TBCB: variants seen among roughly 807,000 people sequenced by gnomAD.
The protein encoded by TBCB is tubulin folding cofactor B, also known as tubulin-folding cofactor B.
Under a neutral mutation model 29.2 loss-of-function variants are expected in TBCB, and 18 were observed. That is an observed-to-expected ratio of 0.62 (90% CI 0.43 to 0.91). The LOEUF is 0.91. TBCB is among the 40% of genes least tolerant of loss of function. The pLI is 0.00. For synonymous variants in TBCB, 172 were observed against 137.8 expected (o/e 1.25, Z -1.74); for missense variants, 336 against 337.6 (o/e 1.00, Z 0.04).
intron 3 of TBCB, 114 bp from the exon 4 acceptor site, chr19:36,121,413 C>G (rs925540602): frequency 1.5e-5 from 19 of 1,310,002 alleles, no homozygotes; most frequent in Non-Finnish European, 1.8e-5. Context: ...GGTGACAGCC[C>G]TTTGTCACCT....
At chr19:36,124,076 T>C (rs1364621851) in intron 4 of TBCB, among the ~76,000 whole-genome samples, 6 of 152,146 alleles carry the variant, frequency 3.9e-5, no homozygotes, top group African/African-American at 9.7e-5. Context: ...ACCAGCACTT[T>C]AGTCTGTCTT....
At chr19:36,123,073 C>G (rs10418079) in intron 4 of TBCB, among the ~76,000 whole-genome samples, 101,651 of 151,840 alleles carry the variant, frequency 0.67, 34,640 homozygotes, top group East Asian at 0.79. Context: ...GTAACTGGCG[C>G]CTTCCACTGA....
chr19:36,115,487 C>CAGT lies in TBCB; in HGVS notation c.-72_-71insTAG. ...GGCGGGGCTGATAGCCCAGCAGCAG[C>CAGT]AGCGGCGGCGGCGGCTGCGGAGCGG... On this transcript the variant is annotated 5_prime_UTR_variant, in exon 1 of 6. Coordinates refer to ENST00000221855, the MANE Select transcript of TBCB (RefSeq NM_001281.3). 8.6e-7 allele frequency: 1 copy of CAGT among 1,166,826 alleles called. No homozygotes were observed. Among genetic ancestry groups the CAGT allele is most frequent in the Non-Finnish European group, 1.2e-6 (1 of 809,046 alleles). The allele number at this position is 1,166,826 out of a possible 1,614,324, so 72.3% of individuals were successfully genotyped here.
At chr19:36,121,821 GC>G in intron 4 of TBCB, 103 bp downstream of exon 4, 2 of 1,438,586 alleles carry the variant, frequency 1.4e-6, no homozygotes, top group East Asian at 5.0e-5. Context: ...GCCTAGGGGC[GC>G]GGGGTTGGGG....
intron 2 of TBCB, among the ~76,000 whole-genome samples, chr19:36,120,110 C>T (rs1974019018): frequency 6.6e-6 from 1 of 152,098 alleles, no homozygotes; most frequent in Non-Finnish European, 1.5e-5. Context: ...AAGCCTCTTC[C>T]CTGTCATATT....
chr19:36,120,883 C>G (rs1033736939), intron 3 of TBCB, 77 bp downstream of exon 3: 1 of 1,416,450 alleles, frequency 7.1e-7, no homozygotes, highest in Non-Finnish European at 9.9e-7. Context: ...GCAGGTTAGA[C>G]AGGGCCCCTG....
intron 2 of TBCB, among the ~76,000 whole-genome samples, chr19:36,119,111 C>T (rs185116917): frequency 1.1e-4 from 16 of 152,286 alleles, no homozygotes; most frequent in Non-Finnish European, 1.5e-5. Flanking sequence ...CAGGTACACA[C>T]AGACCTCCCA....
At position 36,120,700 on chromosome 19, in the gene TBCB, C is replaced by T; in HGVS notation, c.259-10C>T. ...ACCCTGATCCCCACGGAGCCCCTCC[C>T]CTCACACAGGTCATTGACCACAGTG... On this transcript the variant is annotated splice_polypyrimidine_tract_variant and intron_variant, in intron 2 of 5. Coordinates refer to ENST00000221855, the MANE Select transcript of TBCB (RefSeq NM_001281.3). 6.2e-7 allele frequency: 1 copy of T among 1,613,916 alleles called. No homozygotes were observed. Among genetic ancestry groups the T allele is most frequent in the Non-Finnish European group, 8.5e-7 (1 of 1,179,874 alleles).
Position 36,125,876 on chromosome 19 carries a change from AT to A in TBCB, c.*98del. The A allele has an allele frequency of 2.3e-6, 2 of 877,762 alleles. No individual in the cohort carries two copies. The highest frequency in any genetic ancestry group is 3.3e-6 in the Non-Finnish European group (2 of 614,698). The allele number at this position is 877,762 out of a possible 1,614,324, so 54.4% of individuals were successfully genotyped here. A position where few individuals can be genotyped will look rare whatever the true frequency, so the allele number is the denominator to read the frequency against. ...GCCCTTTTCTCCTGACCCCATTTTA[AT>A]TTTATTCATTTTTTCCTTTGCCATT... On this transcript the variant is annotated 3_prime_UTR_variant, in exon 6 of 6. Coordinates refer to ENST00000221855, the MANE Select transcript of TBCB (RefSeq NM_001281.3).
chr19:36,119,137 G>A (rs968824129), intron 2 of TBCB, among the ~76,000 whole-genome samples: 1 of 152,186 alleles, frequency 6.6e-6, no homozygotes, highest in East Asian at 1.9e-4. Context: ...CTCAAGGAAG[G>A]TGTTCCAGAG....
At chr19:36,115,455 A>G, upstream of TBCB, 1 of 836,912 alleles carries the variant, frequency 1.2e-6, no homozygotes, top group Non-Finnish European at 1.9e-6. Context: ...TCAGGCACGG[A>G]GCAGGAGGCG....
intron 2 of TBCB, chr19:36,118,680 TAA>T (rs74892215): frequency 1.4e-3 from 169 of 123,180 alleles, no homozygotes; most frequent in South Asian, 2.3e-3. Flanking sequence ...ATCCTATCTT[TAA>T]AAAAAAAAAA....
chr19:36,120,009 T>C (rs904846294), intron 2 of TBCB, among the ~76,000 whole-genome samples: 9 of 148,248 alleles, frequency 6.1e-5, no homozygotes, highest in Non-Finnish European at 1.2e-4. Flanking sequence ...CATTTCTACC[T>C]CTGGCCGTCT....
Position 36,120,718 on chromosome 19 carries a change from C to G in TBCB, c.267C>G (p.Asp89Glu). The change falls in exon 3 of 6, where the codon GAC becomes GAG. Residue 89 changes from aspartate to glutamate, a missense_variant. Physicochemically the swap from Asp to Glu is conservative, Grantham distance 45. Transcript: ENST00000221855. ...CCCCTCCCCTCACACAGGTCATTGA[C>G]CACAGTGGCGCCCGCCTTGGTGAGT... ...VDDGCRIHVI[D>E]HSGARLGEYE... The G allele has an allele frequency of 1.2e-6, 2 of 1,614,120 alleles. No individual in the cohort carries two copies. Among genetic ancestry groups the G allele is most frequent in the Non-Finnish European group, 1.7e-6 (2 of 1,180,010 alleles).
rs200039146 is a variant in TBCB at position 36,116,203 on chromosome 19, G to T, written c.258+19G>T. ...CATCCACGTGAGGACTCTCTATCTG[G>T]GACACTCCCCCACCCCACCTTTCAT... On this transcript the variant is annotated intron_variant, in intron 2 of 5. Coordinates refer to ENST00000221855, the MANE Select transcript of TBCB (RefSeq NM_001281.3). 6.2e-6 allele frequency: 10 copies of T among 1,610,824 alleles called. No homozygotes were observed. The South Asian group carries it at 1.1e-4, about 18-fold the overall frequency.
chr19:36,120,837 G>T, intron 3 of TBCB, 31 bp downstream of exon 3: 1 of 1,604,678 alleles, frequency 6.2e-7, no homozygotes, highest in Non-Finnish European at 8.5e-7. Flanking sequence ...AGGGGTGCGT[G>T]GGGGCCAGAG....
At chr19:36,115,775 C>T (rs578073589) in intron 1 of TBCB, 101 bp downstream of exon 1, 2 of 1,246,774 alleles carry the variant, frequency 1.6e-6, no homozygotes, top group African/African-American at 1.5e-5. Flanking sequence ...TGGGCGGGCC[C>T]GGAGGTGATC....
chr19:36,120,730 C>T lies in TBCB; in HGVS notation c.279C>T (p.Ala93=), dbSNP rs1191482450. 4 of 1,614,132 alleles carry T rather than the reference C, an allele frequency of 2.5e-6. No individual in the cohort carries two copies. The highest frequency in any genetic ancestry group is 3.4e-6 in the Non-Finnish European group (4 of 1,180,028). The change falls in exon 3 of 6, where the codon GCC becomes GCT. Residue 93 remains alanine, a synonymous_variant. Transcript: ENST00000221855. ...CRIHVIDHSG[A]RLGEYEDVSR... is the part of the protein sequence containing the mutation. ...CACAGGTCATTGACCACAGTGGCGCCCGCCTTGGTGAGTATGAGGACGTGT... is the reference window on the plus strand; with the variant it reads ...CACAGGTCATTGACCACAGTGGCGCTCGCCTTGGTGAGTATGAGGACGTGT...
intron 4 of TBCB, among the ~76,000 whole-genome samples, chr19:36,124,781 G>T (rs6510521): frequency 0.49 from 73,801 of 151,838 alleles, 18,439 homozygotes; most frequent in African/African-American, 0.59. Context: ...CTGACCTCGT[G>T]ATCCACCCTC....
Sources: gnomAD v4.1 joint callset for allele counts (sites outside exome capture counted in the v4.1 genomes callset) on GRCh38, gnomAD v4.1.1 for gene constraint, MANE v1.5 for transcripts, NCBI Gene and HGNC (gene_info 2026-07-23, HGNC 2026-07-21) for gene names.